DYNC1I1: variants seen among roughly 807,000 people sequenced by gnomAD.
DYNC1I1 encodes dynein cytoplasmic 1 intermediate chain 1.
A neutral mutation model predicts 86.6 loss-of-function variants in DYNC1I1; 43 were observed. The ratio of observed to expected loss-of-function variants is 0.50; its 90% CI spans 0.39 to 0.64. DYNC1I1 has a LOEUF of 0.64. DYNC1I1 is among the 30% of genes least tolerant of loss of function. The probability of loss-of-function intolerance (pLI) is 0.00; values close to 1 mark genes in which losing one functional copy is unlikely to be tolerated. For missense variants in DYNC1I1, 604 were observed against 788.8 expected, an observed-to-expected ratio of 0.77 and a Z score of 2.81; for synonymous variants, 262 against 283.7, an observed-to-expected ratio of 0.92 and a Z score of 0.77.
intron 5 of DYNC1I1, among the ~76,000 whole-genome samples, chr7:95,844,599 G>A (rs1204620816): frequency 6.6e-6 from 1 of 151,830 alleles, no homozygotes; most frequent in Non-Finnish European, 1.5e-5. Flanking sequence ...TCGGGCGGCG[G>A]GGGGTTAGAG....
intron 5 of DYNC1I1, among the ~76,000 whole-genome samples, chr7:95,852,651 T>C (rs1239364669): frequency 1.3e-5 from 2 of 151,878 alleles, no homozygotes; most frequent in African/African-American, 2.4e-5. Context: ...GGATTACAGG[T>C]GCCCGCCACC....
intron 6 of DYNC1I1, among the ~76,000 whole-genome samples, chr7:95,904,953 A>T (rs1265719568): frequency 6.6e-6 from 1 of 152,302 alleles, no homozygotes; most frequent in African/African-American, 2.4e-5. Flanking sequence ...GAAGTTGCCT[A>T]TGCAAAAAGT....
At chr7:96,096,525 A>G (rs1020589362) in intron 16 of DYNC1I1, among the ~76,000 whole-genome samples, 3 of 152,034 alleles carry the variant, frequency 2.0e-5, no homozygotes, top group Non-Finnish European at 4.4e-5. Flanking sequence ...CTCATCCTCA[A>G]ATTTTTTTTT....
At chr7:95,851,845 G>A (rs747203469) in intron 5 of DYNC1I1, among the ~76,000 whole-genome samples, 1 of 152,132 alleles carries the variant, frequency 6.6e-6, no homozygotes, top group African/African-American at 2.4e-5. Context: ...TGTATTTTTA[G>A]TGGAGACGGG....
intron 6 of DYNC1I1, among the ~76,000 whole-genome samples, chr7:95,966,994 T>C (rs539657859): frequency 1.3e-5 from 2 of 152,250 alleles, no homozygotes; most frequent in Admixed American, 1.3e-4. Context: ...ACTGAAACAT[T>C]GGGGAAACCA....
chr7:95,861,780 G>T (rs555743104), intron 5 of DYNC1I1, among the ~76,000 whole-genome samples: 1 of 152,164 alleles, frequency 6.6e-6, no homozygotes, highest in Non-Finnish European at 1.5e-5. Flanking sequence ...GAAGTCATGC[G>T]AAGGTGTTCT....
At position 95,938,872 on chromosome 7, in the gene DYNC1I1, C is replaced by A. The variant is rs568221513; in HGVS notation, c.491-38640C>A. The stretch of plus-strand genomic sequence containing the variant: ...TTATTTATTTTTAATAAATAAAAAA[C>A]CATTTTTTGTGATGTTAGGGTGTCA... On this transcript the variant is annotated intron_variant, in intron 6 of 16. Transcript: ENST00000447467. Among the ~76,000 whole-genome samples the A allele has an allele frequency of 2.0e-4, 30 of 152,148 alleles. 1 individual carries two copies. The highest frequency in any genetic ancestry group is 6.5e-4 in the African/African-American group (27 of 41,524).
chr7:96,036,476 C>T (rs532297850), intron 13 of DYNC1I1, among the ~76,000 whole-genome samples: 1 of 152,292 alleles, frequency 6.6e-6, no homozygotes, highest in African/African-American at 2.4e-5. Context: ...GGACTATAGG[C>T]TGTCAAGTTG....
At chr7:96,070,376 A>G (rs1334694507) in intron 14 of DYNC1I1, among the ~76,000 whole-genome samples, 1 of 152,130 alleles carries the variant, frequency 6.6e-6, no homozygotes, top group African/African-American at 2.4e-5. Flanking sequence ...TAAAAGCGAT[A>G]TTGTGGTCTC....
intron 1 of DYNC1I1, among the ~76,000 whole-genome samples, chr7:95,792,868 GA>G (rs1441170633): frequency 1.3e-5 from 2 of 150,614 alleles, no homozygotes; most frequent in Non-Finnish European, 3.0e-5. Context: ...AACATTTCTG[GA>G]ATTTGCAAAG....
At chr7:95,841,615 T>C (rs1789284363) in intron 5 of DYNC1I1, among the ~76,000 whole-genome samples, 1 of 152,182 alleles carries the variant, frequency 6.6e-6, no homozygotes, top group Non-Finnish European at 1.5e-5. Context: ...ATTTGTTGTG[T>C]AGTCCAACTC....
chr7:95,800,248 TG>T (rs1200243575), intron 1 of DYNC1I1, among the ~76,000 whole-genome samples: 1 of 151,810 alleles, frequency 6.6e-6, no homozygotes, highest in Non-Finnish European at 1.5e-5. Flanking sequence ...TAGGGATTTG[TG>T]TATGGAGTCT....
chr7:96,017,530 C>G (rs540686745), intron 10 of DYNC1I1, among the ~76,000 whole-genome samples: 3 of 152,222 alleles, frequency 2.0e-5, no homozygotes, highest in East Asian at 3.9e-4. Flanking sequence ...TGCAAGCCAT[C>G]CTTTTATTTC....
chr7:95,995,916 C>T, intron 9 of DYNC1I1, 32 bp from the exon 10 acceptor site: 1 of 1,561,530 alleles, frequency 6.4e-7, no homozygotes, highest in Non-Finnish European at 8.6e-7. Flanking sequence ...GTCATCTTAG[C>T]ATAATTCATC....
At chr7:96,068,799 A>G (rs1790071824) in intron 14 of DYNC1I1, among the ~76,000 whole-genome samples, 1 of 151,270 alleles carries the variant, frequency 6.6e-6, no homozygotes, top group Non-Finnish European at 1.5e-5. Context: ...GTGTATATGT[A>G]CATATGTATA....
chr7:95,800,138 A>T (rs1047294649), intron 1 of DYNC1I1, among the ~76,000 whole-genome samples: 4 of 151,176 alleles, frequency 2.6e-5, no homozygotes, highest in Non-Finnish European at 4.4e-5. Flanking sequence ...AGTGGAGATG[A>T]GCTGTAGTGA....
Position 95,788,151 on chromosome 7 carries a change from TG to T in DYNC1I1, c.-10+15379del, listed in dbSNP as rs144050220. Reference sequence around the variant, plus strand: ...TGCAGAGAAGTGACATGACTTGACTTGTGTTTTAATGCATTACTATAGCAGC... The same window carrying T: ...TGCAGAGAAGTGACATGACTTGACTTTGTTTTAATGCATTACTATAGCAGC... On this transcript the variant is annotated intron_variant, in intron 1 of 16. Transcript: ENST00000447467. Among the ~76,000 whole-genome samples, 258 of 152,242 alleles carry T rather than the reference TG, an allele frequency of 1.7e-3. 2 individuals are homozygous for T. Among genetic ancestry groups the T allele is most frequent in the African/African-American group, 6.0e-3 (248 of 41,526 alleles).
intron 1 of DYNC1I1, among the ~76,000 whole-genome samples, chr7:95,785,775 G>GTATGTATATATA (rs55666459): frequency 3.5e-4 from 44 of 124,850 alleles, no homozygotes; most frequent in East Asian, 1.3e-3. Context: ...GTGTGTATGT[G>GTATGTATATATA]TATATATATA....
chr7:95,862,120 C>A (rs1789898797), intron 5 of DYNC1I1, among the ~76,000 whole-genome samples: 2 of 152,088 alleles, frequency 1.3e-5, no homozygotes, highest in African/African-American at 2.4e-5. Context: ...AGGTTTAAGT[C>A]TTTGTGTCCT....
Sources: gnomAD v4.1 joint callset for allele counts (sites outside exome capture counted in the v4.1 genomes callset) on GRCh38, gnomAD v4.1.1 for gene constraint, MANE v1.5 for transcripts, NCBI Gene and HGNC (gene_info 2026-07-23, HGNC 2026-07-21) for gene names.